The following RIN2 variants were observed in gnomAD, a reference collection of about 807,000 sequenced individuals.
RIN2 encodes the protein Ras and Rab interactor 2, also known as RAB5 interacting protein 2.
A neutral mutation model predicts 78.0 loss-of-function variants in RIN2; 36 were observed. That is an observed-to-expected ratio of 0.46 (90% CI 0.35 to 0.61). The LOEUF (loss-of-function observed/expected upper bound fraction) is 0.61. RIN2 is among the 20% of genes least tolerant of loss of function. The pLI is 0.00. For synonymous variants in RIN2, 466 were observed against 466.8 expected (o/e 1.00, Z 0.02); for missense variants, 1,087 against 1,159.7 (o/e 0.94, Z 0.91).
intron 4 of RIN2, among the ~76,000 whole-genome samples, chr20:19,950,948 G>A (rs2041290343): frequency 6.7e-6 from 1 of 150,072 alleles, no homozygotes; most frequent in Non-Finnish European, 1.5e-5. Context: ...GAAGTGCAGT[G>A]GTGCCATCTC....
intron 9 of RIN2, among the ~76,000 whole-genome samples, chr20:19,989,685 A>G (rs1428333534): frequency 6.6e-6 from 1 of 152,260 alleles, no homozygotes; most frequent in Non-Finnish European, 1.5e-5. Context: ...GGACTAGGTC[A>G]AAAGAATGTC....
rs145928252 is a variant in RIN2 at position 19,968,583 on chromosome 20, A to G, written c.537-2255A>G. Among the ~76,000 whole-genome samples, 11 of 152,214 alleles carry G rather than the reference A, an allele frequency of 7.2e-5. No individual in the cohort carries two copies. The East Asian group carries it at 1.9e-3, about 27-fold the overall frequency. ...ATTTTCTAGTAGATCAAAGCCTGAA[A>G]CCATCCATTAACCAAGGACAGGTGT... On this transcript the variant is annotated intron_variant, in intron 7 of 12. Transcript: ENST00000255006.
rs891497791 is a variant in RIN2 at position 19,907,117 on chromosome 20, GGAGA to G, written c.57+17467_57+17470del. 5.3e-5 allele frequency among the ~76,000 whole-genome samples: 8 copies of G among 152,174 alleles called. No individual in the cohort carries two copies. The South Asian group carries it at 1.0e-3, about 20-fold the overall frequency. Reference sequence around the variant, plus strand: ...GTACATGTGCATGCAAGGGTAGGAGGGAGAGAGAGAGGAAGGGCAGGAGAGAGAA... The same window carrying G: ...GTACATGTGCATGCAAGGGTAGGAGGGAGAGAGGAAGGGCAGGAGAGAGAA... On this transcript the variant is annotated intron_variant, in intron 3 of 12. Transcript: ENST00000255006.
At chr20:19,925,130 C>T (rs2040177174) in intron 3 of RIN2, among the ~76,000 whole-genome samples, 1 of 150,240 alleles carries the variant, frequency 6.7e-6, no homozygotes, top group South Asian at 2.1e-4. Flanking sequence ...CCTCTGGGCA[C>T]ATTCCTTAGC....
chr20:19,840,962 A>G (rs1011715913), intron 2 of RIN2, among the ~76,000 whole-genome samples: 3 of 152,096 alleles, frequency 2.0e-5, no homozygotes, highest in African/African-American at 7.2e-5. Context: ...CTTTTGTCTC[A>G]CTTTTCTCTT....
At chr20:19,889,800 G>A (rs766864681) in intron 3 of RIN2, 142 bp downstream of exon 3, 2 of 595,188 alleles carry the variant, frequency 3.4e-6, no homozygotes, top group Non-Finnish European at 2.8e-6. Flanking sequence ...CCCAGCTGCT[G>A]ATTGTTACCA....
intron 7 of RIN2, among the ~76,000 whole-genome samples, chr20:19,968,976 C>T (rs890218028): frequency 2.0e-5 from 3 of 152,100 alleles, no homozygotes; most frequent in East Asian, 1.9e-4. Context: ...GTGCTCACAA[C>T]ATTTGAGGAC....
At chr20:19,968,678 T>C (rs2042013280) in intron 7 of RIN2, among the ~76,000 whole-genome samples, 1 of 152,222 alleles carries the variant, frequency 6.6e-6, no homozygotes, top group African/African-American at 2.4e-5. Flanking sequence ...AGGTACTGCA[T>C]TGAGCAAGGT....
chr20:19,865,209 C>T (rs1264494283), intron 2 of RIN2, among the ~76,000 whole-genome samples: 1 of 152,174 alleles, frequency 6.6e-6, no homozygotes, highest in Non-Finnish European at 1.5e-5. Flanking sequence ...TGCTCACCGT[C>T]ACCATTGTGA....
intron 1 of RIN2, among the ~76,000 whole-genome samples, chr20:19,763,838 A>G (rs1183576847): frequency 6.6e-6 from 1 of 152,202 alleles, no homozygotes; most frequent in Admixed American, 6.5e-5. Flanking sequence ...AACCATCCTA[A>G]GAGTGATTTA....
chr20:19,952,592 G>A (rs1301510438), intron 4 of RIN2, among the ~76,000 whole-genome samples: 1 of 152,136 alleles, frequency 6.6e-6, no homozygotes, highest in Non-Finnish European at 1.5e-5. Context: ...CTGCTTTTTA[G>A]GCTGAGGTCA....
At chr20:19,776,731 C>CAAAA in intron 1 of RIN2, among the ~76,000 whole-genome samples, 1 of 116,706 alleles carries the variant, frequency 8.6e-6, no homozygotes, top group Non-Finnish European at 1.8e-5. Context: ...GACCCTGTCT[C>CAAAA]AAAAAAAAAA....
chr20:19,884,984 T>A (rs559041998), intron 2 of RIN2, among the ~76,000 whole-genome samples: 2 of 152,304 alleles, frequency 1.3e-5, no homozygotes, highest in South Asian at 4.1e-4. Context: ...AACGAGGTCT[T>A]GTTTACTGAG....
At chr20:19,773,889 G>C (rs2034221634) in intron 1 of RIN2, among the ~76,000 whole-genome samples, 1 of 148,786 alleles carries the variant, frequency 6.7e-6, no homozygotes, top group Admixed American at 6.7e-5. Context: ...ATATATACTA[G>C]ATGATAAATA....
chr20:19,932,553 C>A (rs1041930903), intron 3 of RIN2, among the ~76,000 whole-genome samples: 3 of 152,114 alleles, frequency 2.0e-5, no homozygotes, highest in Admixed American at 6.5e-5. Context: ...CTGGAAGCTC[C>A]CCCTCTGGTC....
At chr20:19,902,461 A>G (rs776487410) in intron 3 of RIN2, among the ~76,000 whole-genome samples, 3 of 152,086 alleles carry the variant, frequency 2.0e-5, no homozygotes, top group Non-Finnish European at 2.9e-5. Context: ...CCTCTTTCCG[A>G]TGGCCATCTC....
At chr20:19,809,824 C>A (rs1327305049) in intron 2 of RIN2, 6 of 152,250 alleles carry the variant, frequency 3.9e-5, no homozygotes, top group African/African-American at 1.4e-4. Context: ...ACATGAACCA[C>A]ATGTCACAAC....
At chr20:19,884,687 T>C (rs2038126658) in intron 2 of RIN2, among the ~76,000 whole-genome samples, 2 of 152,196 alleles carry the variant, frequency 1.3e-5, no homozygotes, top group African/African-American at 4.8e-5. Context: ...TGGAATAACA[T>C]TTGTCTGTCC....
At chr20:19,957,535 G>A (rs145560338) in intron 5 of RIN2, among the ~76,000 whole-genome samples, 4 of 152,280 alleles carry the variant, frequency 2.6e-5, no homozygotes, top group South Asian at 2.1e-4. Flanking sequence ...AAATTAGCCC[G>A]GTGTGGTGGC....
Sources: allele counts gnomAD v4.1 joint callset (sites outside exome capture counted in the v4.1 genomes callset), GRCh38; gene constraint gnomAD v4.1.1; transcripts MANE v1.5; gene names NCBI Gene and HGNC (gene_info 2026-07-23, HGNC 2026-07-21).